Variants in MYO6 observed in about 807,000 individuals in gnomAD.
MYO6 encodes the protein myosin VI.
A neutral mutation model predicts 178.7 loss-of-function variants in MYO6; 74 were observed. That is an observed-to-expected ratio of 0.41 (90% CI 0.34 to 0.50). MYO6 has a LOEUF of 0.50. MYO6 is among the 20% of genes least tolerant of loss of function. The pLI is 0.09. For missense variants in MYO6, 1,330 were observed against 1,547.4 expected (o/e 0.86, Z 2.36); for synonymous variants, 477 against 504.6 (o/e 0.95, Z 0.73).
chr6:75,818,177 T>G (rs1771477486), intron 2 of MYO6, among the ~76,000 whole-genome samples: 1 of 152,262 alleles, frequency 6.6e-6, no homozygotes, highest in Non-Finnish European at 1.5e-5. Flanking sequence ...GATGCTTTAA[T>G]TCTGTACACA....
At chr6:75,857,291 C>T in intron 13 of MYO6, 37 bp downstream of exon 13, 1 of 1,583,294 alleles carries the variant, frequency 6.3e-7, no homozygotes, top group Non-Finnish European at 8.7e-7. Flanking sequence ...ATATTTGTTT[C>T]ATATTTTTTC....
intron 1 of MYO6, among the ~76,000 whole-genome samples, chr6:75,772,036 G>T (rs1157388365): frequency 6.6e-6 from 1 of 152,028 alleles, no homozygotes; most frequent in Admixed American, 6.6e-5. Context: ...TTATTAAAAT[G>T]GTACACTTGA....
At chr6:75,761,705 G>C (rs1381188552) in intron 1 of MYO6, among the ~76,000 whole-genome samples, 1 of 151,648 alleles carries the variant, frequency 6.6e-6, no homozygotes, top group Admixed American at 6.6e-5. Flanking sequence ...TGTGTTTCTG[G>C]AACTGGCCCA....
At chr6:75,786,174 C>G (rs1377237614) in intron 1 of MYO6, among the ~76,000 whole-genome samples, 1 of 152,090 alleles carries the variant, frequency 6.6e-6, no homozygotes, top group Non-Finnish European at 1.5e-5. Flanking sequence ...GATCTGCCCG[C>G]CTTGGCTTCC....
intron 1 of MYO6, among the ~76,000 whole-genome samples, chr6:75,760,453 AG>A (rs1179298401): frequency 6.6e-6 from 1 of 152,194 alleles, no homozygotes; most frequent in East Asian, 1.9e-4. Flanking sequence ...AAGAAGTACA[AG>A]ATCTTACTCA....
chr6:75,865,828 A>C (rs770165326), intron 16 of MYO6, among the ~76,000 whole-genome samples: 2 of 152,192 alleles, frequency 1.3e-5, no homozygotes, highest in Non-Finnish European at 2.9e-5. Flanking sequence ...CCTTGTGTAA[A>C]TATGTTAGGC....
chr6:75,822,808 G>A lies in MYO6; in HGVS notation c.144G>A (p.Val48=), dbSNP rs1020695133. The A allele has an allele frequency of 5.6e-6, 9 of 1,613,418 alleles. No individual in the cohort carries two copies. Among genetic ancestry groups the A allele is most frequent in the Non-Finnish European group, 7.6e-6 (9 of 1,179,714 alleles). ...GKTFLALINQ[V]FPAEEDSKKD... ...CATTTTTGGCTCTCATAAACCAAGT[G>A]TTTCCTGCAGAAGAGGACAGTAAAA... The change falls in exon 3 of 35, where the codon GTG becomes GTA. Residue 48 remains valine, a synonymous_variant. Coordinates refer to ENST00000369977, the MANE Select transcript of MYO6 (RefSeq NM_004999.4).
In MYO6 at chr6:75,916,920, GTTAATC is replaced by G. The variant is rs1781153862; in HGVS notation, c.*1913_*1918del. The G allele has an allele frequency of 6.6e-6, 1 of 152,178 alleles. No individual in the cohort carries two copies. Among genetic ancestry groups the G allele is most frequent in the Non-Finnish European group, 1.5e-5 (1 of 68,030 alleles). 9.4% of individuals were successfully genotyped at this position (152,178 alleles called of 1,614,324 possible). ...GACTCTAATAGTTAATACAATTATA[GTTAATC>G]TTAAGCCATAATGTTTCTAATCATG... On this transcript the variant is annotated 3_prime_UTR_variant, in exon 35 of 35. Transcript: ENST00000369977.
intron 1 of MYO6, among the ~76,000 whole-genome samples, chr6:75,758,876 T>C (rs1346242396): frequency 4.8e-5 from 7 of 146,872 alleles, no homozygotes; most frequent in Non-Finnish European, 9.0e-5. Context: ...GTATAGATCT[T>C]TTTTTTTTTT....
At chr6:75,755,349 G>C (rs1308020904) in intron 1 of MYO6, among the ~76,000 whole-genome samples, 5 of 152,098 alleles carry the variant, frequency 3.3e-5, no homozygotes, top group Non-Finnish European at 7.4e-5. Context: ...TCCCCCTATT[G>C]CTTATGTATT....
intron 1 of MYO6, among the ~76,000 whole-genome samples, chr6:75,797,448 G>A (rs561861267): frequency 6.6e-6 from 1 of 152,242 alleles, no homozygotes; most frequent in East Asian, 1.9e-4. Context: ...GTGTCTTTTT[G>A]GTAGAACGAT....
chr6:75,913,834 G>A (rs922572760), intron 33 of MYO6, among the ~76,000 whole-genome samples: 2 of 152,112 alleles, frequency 1.3e-5, no homozygotes, highest in African/African-American at 4.8e-5. Context: ...AGTGGTATGT[G>A]TGTGTTTGTG....
chr6:75,839,918 C>T (rs1774047747), intron 7 of MYO6, among the ~76,000 whole-genome samples: 1 of 151,344 alleles, frequency 6.6e-6, no homozygotes, highest in Non-Finnish European at 1.5e-5. Flanking sequence ...TATCTAAGTA[C>T]TGTTGTGGGC....
chr6:75,881,421 C>T (rs1778012739), intron 22 of MYO6, among the ~76,000 whole-genome samples: 1 of 118,256 alleles, frequency 8.5e-6, no homozygotes, highest in Admixed American at 8.3e-5. Context: ...ATTTAAAAGT[C>T]ATCCCCCCCC....
intron 1 of MYO6, among the ~76,000 whole-genome samples, chr6:75,759,136 C>T (rs1226260316): frequency 1.3e-5 from 2 of 151,820 alleles, no homozygotes; most frequent in Non-Finnish European, 2.9e-5. Context: ...TCCCAAAGTG[C>T]TGGGATTACA....
At chr6:75,894,305 A>C (rs149593928) in intron 28 of MYO6, among the ~76,000 whole-genome samples, 124 of 152,352 alleles carry the variant, frequency 8.1e-4, no homozygotes, top group African/African-American at 2.7e-3. Flanking sequence ...CCTGTAATTT[A>C]AATTAAGCAG....
At chr6:75,772,606 A>T (rs1469185806) in intron 1 of MYO6, among the ~76,000 whole-genome samples, 3 of 152,220 alleles carry the variant, frequency 2.0e-5, no homozygotes, top group Admixed American at 2.0e-4. Flanking sequence ...AACAGACGGG[A>T]CTAAGAACAC....
Position 75,809,642 on chromosome 6 carries a change from G to T in MYO6, c.-47-7859G>T, listed in dbSNP as rs553668879. ...CCTGAAAACTGGGAAATCTCGAAGT[G>T]GGGGGGTGGTGGAATGGGGAGCTTA... On this transcript the variant is annotated intron_variant, in intron 1 of 34. Coordinates refer to ENST00000369977, the MANE Select transcript of MYO6 (RefSeq NM_004999.4). Among the ~76,000 whole-genome samples the T allele has an allele frequency of 3.0e-4, 45 of 152,130 alleles. No individual in the cohort carries two copies. In the East Asian group the frequency reaches 6.0e-3, roughly 20 times the overall value.
At position 75,855,262 on chromosome 6, in the gene MYO6, G is replaced by A. The variant is rs747375619; in HGVS notation, c.1202G>A (p.Gly401Asp). The change falls in exon 12 of 35, where the codon GGC becomes GAC. Residue 401 changes from glycine (G) to aspartate (D), a missense_variant. Gly to Asp is a moderately conservative substitution (Grantham distance 94). This residue lies in a region of MYO6 where 613 missense variants were observed against 816.8 expected (regional missense o/e 0.75). Transcript: ENST00000369977. Reference protein sequence around the residue: ...TTRVMLTTAGGTKGTVIKVPL... With the variant: ...TTRVMLTTAGDTKGTVIKVPL... ...AGAGTCATGCTAACAACAGCAGGGG[G>A]CACCAAAGGAACAGTTATAAAGTAA... 8.1e-6 allele frequency: 13 copies of A among 1,613,408 alleles called. No individual in the cohort carries two copies. The highest frequency in any genetic ancestry group is 1.0e-5 in the Non-Finnish European group (12 of 1,179,644).
Sources: allele counts gnomAD v4.1 joint callset (sites outside exome capture counted in the v4.1 genomes callset), GRCh38; gene constraint gnomAD v4.1.1; regional missense constraint gnomAD v4.1.1; transcripts MANE v1.5; gene names NCBI Gene and HGNC (gene_info 2026-07-23, HGNC 2026-07-21).